Variants in BRI3 observed in about 807,000 individuals in gnomAD.
BRI3 encodes the protein membrane protein BRI3.
In BRI3, 6 loss-of-function variants were observed where a neutral mutation model predicts 12.8. The observed-to-expected ratio is 0.47, with a 90% CI of 0.26 to 0.93. The LOEUF (loss-of-function observed/expected upper bound fraction) is 0.93. Among genes scored for constraint, BRI3 ranks in the 40% least tolerant of loss-of-function variants. BRI3 has a pLI of 0.15. For synonymous variants in BRI3, 91 were observed against 76.1 expected (o/e 1.20, Z -1.02); for missense variants, 134 against 171.1 (o/e 0.78, Z 1.21).
At chr7:98,314,925 G>A (rs1385692359), downstream of BRI3, among the ~76,000 whole-genome samples, 1 of 152,132 alleles carries the variant, frequency 6.6e-6, no homozygotes, top group Non-Finnish European at 1.5e-5. Flanking sequence ...TTTTATGAAG[G>A]ACTTTAAATA....
chr7:98,296,246 G>A (rs948598806), downstream of BRI3, among the ~76,000 whole-genome samples: 6 of 152,220 alleles, frequency 3.9e-5, no homozygotes, highest in African/African-American at 9.6e-5. Flanking sequence ...GGCCGGGAAC[G>A]TCCTGCTGGG....
chr7:98,294,703 G>T (rs1800112964), downstream of BRI3, among the ~76,000 whole-genome samples: 1 of 152,176 alleles, frequency 6.6e-6, no homozygotes, highest in African/African-American at 2.4e-5. Context: ...GTGCTTTTTG[G>T]GAGCTGACTC....
the BRI3 span, among the ~76,000 whole-genome samples, chr7:98,321,589 C>T: frequency 6.6e-6 from 1 of 152,172 alleles, no homozygotes; most frequent in Non-Finnish European, 1.5e-5. Context: ...CAGCTCTCTG[C>T]CACCTTTCTA....
At chr7:98,316,646 C>T in the BRI3 span, among the ~76,000 whole-genome samples, 1 of 152,214 alleles carries the variant, frequency 6.6e-6, no homozygotes, top group Non-Finnish European at 1.5e-5. Context: ...CAAGACCTCT[C>T]TTCTAACTAT....
chr7:98,318,569 A>ACGC, the BRI3 span, among the ~76,000 whole-genome samples: 1 of 150,210 alleles, frequency 6.7e-6, no homozygotes, highest in Non-Finnish European at 1.5e-5. Flanking sequence ...GTGAGCCACC[A>ACGC]CGCCCAGTGA....
At chr7:98,285,202 T>C (rs1389079106) in intron 2 of BRI3, among the ~76,000 whole-genome samples, 1 of 152,188 alleles carries the variant, frequency 6.6e-6, no homozygotes, top group East Asian at 1.9e-4. Context: ...AGGGCGGATG[T>C]CGCTCAGAGG....
intron 2 of BRI3, among the ~76,000 whole-genome samples, chr7:98,289,653 G>C (rs944887408): frequency 1.3e-5 from 2 of 152,138 alleles, no homozygotes; most frequent in Non-Finnish European, 2.9e-5. Context: ...TGGCTGGATG[G>C]GGGGTTTGGG....
At chr7:98,283,642 G>A (rs1799610809) in intron 2 of BRI3, among the ~76,000 whole-genome samples, 1 of 152,190 alleles carries the variant, frequency 6.6e-6, no homozygotes, top group South Asian at 2.1e-4. Context: ...GGCACATGGA[G>A]GGGACTCAGA....
chr7:98,322,347 C>T, the BRI3 span, among the ~76,000 whole-genome samples: 2 of 152,182 alleles, frequency 1.3e-5, no homozygotes, highest in South Asian at 4.1e-4. Flanking sequence ...CACGACCACG[C>T]AGACGTCCCA....
At chr7:98,302,489 G>C (rs547133906), upstream of BRI3, among the ~76,000 whole-genome samples, 2 of 152,332 alleles carry the variant, frequency 1.3e-5, no homozygotes, top group East Asian at 3.9e-4. Flanking sequence ...CTGGTGAAAT[G>C]CTCCAGCAAA....
chr7:98,281,947 T>C lies in BRI3; in HGVS notation c.142+10T>C, dbSNP rs1422073574. On this transcript the variant is annotated intron_variant, in intron 1 of 2. Coordinates refer to ENST00000297290, the MANE Select transcript of BRI3 (RefSeq NM_015379.5). ...CCCTACCTCGTCACAGGTGGGCCCGTAACCAACTTTCCCCGCCGGCGGCTT... is the reference window on the plus strand; with the variant it reads ...CCCTACCTCGTCACAGGTGGGCCCGCAACCAACTTTCCCCGCCGGCGGCTT... The C allele has an allele frequency of 7.7e-7, 1 of 1,298,900 alleles. No individual in the cohort carries two copies. Among genetic ancestry groups the C allele is most frequent in the East Asian group, 3.1e-5 (1 of 32,084 alleles). The allele number at this position is 1,298,900 out of a possible 1,614,324, so 80.5% of individuals were successfully genotyped here.
chr7:98,307,879 T>A, exon 2 of BRI3: 1 of 1,614,238 alleles, frequency 6.2e-7, no homozygotes, highest in Non-Finnish European at 8.5e-7. Flanking sequence ...CGCTGTAAAC[T>A]GGGATCTTCG....
chr7:98,291,571 A>G, downstream of BRI3: 1 of 1,099,606 alleles, frequency 9.1e-7, no homozygotes, highest in Non-Finnish European at 1.1e-6. Flanking sequence ...CCCAGGAAAG[A>G]CTGGAACGAC....
the BRI3 span, among the ~76,000 whole-genome samples, chr7:98,322,213 C>T: frequency 3.3e-5 from 5 of 152,076 alleles, no homozygotes; most frequent in Admixed American, 6.6e-5. Flanking sequence ...ACTATGGCCT[C>T]GGCTATGATC....
At chr7:98,321,519 G>T in the BRI3 span, among the ~76,000 whole-genome samples, 1 of 152,090 alleles carries the variant, frequency 6.6e-6, no homozygotes, top group African/African-American at 2.4e-5. Context: ...CCTCACCGCC[G>T]AGGGCAGCAA....
downstream of BRI3, chr7:98,292,312 C>A: frequency 3.0e-6 from 1 of 337,216 alleles, no homozygotes; most frequent in South Asian, 3.1e-5. Flanking sequence ...ACCTCTGCCT[C>A]CCGGGTTCAA....
chr7:98,313,144 ACCC>A (rs1800934932), downstream of BRI3, among the ~76,000 whole-genome samples: 1 of 131,254 alleles, frequency 7.6e-6, no homozygotes, highest in East Asian at 2.2e-4. Flanking sequence ...CCCAACTGTC[ACCC>A]CACCCCCAAC....
rs73391022 is a variant in BRI3 at position 98,282,174 on chromosome 7, C to T, written c.143-177C>T. 3.9e-3 allele frequency among the ~76,000 whole-genome samples: 596 copies of T among 152,290 alleles called. 6 individuals are homozygous for T. The highest frequency in any genetic ancestry group is 0.014 in the African/African-American group (565 of 41,576). ...CCTGCCCCAGATGAACTTTGTGTCA[C>T]GAGGCGCTCGCTGTTGGCAGATTAG... On this transcript the variant is annotated intron_variant, in intron 1 of 2. Coordinates refer to ENST00000297290, the MANE Select transcript of BRI3 (RefSeq NM_015379.5).
upstream of BRI3, among the ~76,000 whole-genome samples, chr7:98,305,942 A>G (rs1291983836): frequency 6.6e-6 from 1 of 152,180 alleles, no homozygotes; most frequent in East Asian, 1.9e-4. Context: ...CAGCACAGGC[A>G]GGAAGGATGG....
Sources: allele counts gnomAD v4.1 joint callset (sites outside exome capture counted in the v4.1 genomes callset), GRCh38; gene constraint gnomAD v4.1.1; transcripts MANE v1.5; gene names NCBI Gene and HGNC (gene_info 2026-07-23, HGNC 2026-07-21).